Variants in PDS5B observed in about 807,000 individuals in gnomAD.
PDS5B encodes PDS5 cohesin associated factor B.
Under a neutral mutation model 184.1 loss-of-function variants are expected in PDS5B, and 51 were observed. That is an observed-to-expected ratio of 0.28 (90% CI 0.22 to 0.35). The LOEUF (loss-of-function observed/expected upper bound fraction) is 0.35, where lower values mean the gene tolerates loss of function less well. Among genes scored for constraint, PDS5B ranks in the 10% least tolerant of loss-of-function variants. The pLI is 1.00. For missense variants in PDS5B, 1,180 were observed against 1,723.3 expected (o/e 0.68, Z 5.58); for synonymous variants, 566 against 569.2 (o/e 0.99, Z 0.08).
At position 32,642,228 on chromosome 13, in the gene PDS5B, C is replaced by G. The variant is rs547960664; in HGVS notation, c.-19-6526C>G. ...CTTTTTGCTGTAACCATAATTTCTTCGAATAGTTCTGGTCGTTCATTCATT... is the reference window on the plus strand; with the variant it reads ...CTTTTTGCTGTAACCATAATTTCTTGGAATAGTTCTGGTCGTTCATTCATT... On this transcript the variant is annotated intron_variant, in intron 1 of 34. Transcript: ENST00000315596. Among the ~76,000 whole-genome samples, 3 of 152,208 alleles carry G rather than the reference C, an allele frequency of 2.0e-5. No homozygotes were observed. In the East Asian group the frequency reaches 5.8e-4, roughly 29 times the overall value.
chr13:32,701,486 T>C, intron 17 of PDS5B, 48 bp downstream of exon 17: 3 of 1,136,494 alleles, frequency 2.6e-6, no homozygotes, highest in Non-Finnish European at 2.6e-6. Flanking sequence ...CATTAATGTG[T>C]ACATTCAGGA....
At chr13:32,662,686 G>T (rs1228576024) in intron 6 of PDS5B, among the ~76,000 whole-genome samples, 1 of 152,008 alleles carries the variant, frequency 6.6e-6, no homozygotes. Context: ...TAACTCCATG[G>T]CTAAATGTAC....
chr13:32,589,033 G>A (rs749123596), intron 1 of PDS5B, among the ~76,000 whole-genome samples: 2 of 152,148 alleles, frequency 1.3e-5, no homozygotes, highest in Admixed American at 1.3e-4. Flanking sequence ...GTATGATTTG[G>A]CATACGGACT....
intron 19 of PDS5B, among the ~76,000 whole-genome samples, chr13:32,715,211 CTGA>C (rs750936425): frequency 2.5e-4 from 38 of 152,274 alleles, no homozygotes; most frequent in Non-Finnish European, 4.7e-4. Flanking sequence ...CTGGAGAGTT[CTGA>C]TGGAAAAAAC....
intron 17 of PDS5B, among the ~76,000 whole-genome samples, chr13:32,704,615 A>G (rs1832259659): frequency 6.6e-6 from 1 of 152,226 alleles, no homozygotes; most frequent in Non-Finnish European, 1.5e-5. Flanking sequence ...TTCCTTTATT[A>G]TAGCGTAAAT....
chr13:32,757,200 C>A (rs1158373804), intron 26 of PDS5B, among the ~76,000 whole-genome samples: 1 of 151,848 alleles, frequency 6.6e-6, no homozygotes, highest in Non-Finnish European at 1.5e-5. Flanking sequence ...TTGAAAACTT[C>A]TAGCCACTTC....
chr13:32,656,614 A>ATTTT, intron 3 of PDS5B, among the ~76,000 whole-genome samples: 2 of 134,236 alleles, frequency 1.5e-5, no homozygotes, highest in African/African-American at 6.1e-5. Context: ...TTTTTTTTTA[A>ATTTT]AAGACAAAGT....
At chr13:32,619,758 G>A (rs1428667735) in intron 1 of PDS5B, among the ~76,000 whole-genome samples, 1 of 152,138 alleles carries the variant, frequency 6.6e-6, no homozygotes, top group Non-Finnish European at 1.5e-5. Flanking sequence ...CCCCCAAAAT[G>A]TAATAATTTT....
intron 19 of PDS5B, among the ~76,000 whole-genome samples, chr13:32,713,098 T>C (rs191408712): frequency 1.5e-3 from 236 of 152,284 alleles, no homozygotes; most frequent in Admixed American, 3.1e-3. Flanking sequence ...CTGGTTCTTA[T>C]CCTTGTAAGA....
rs746709122 is a variant in PDS5B at position 32,735,256 on chromosome 13, C to T, written c.2332C>T (p.Pro778Ser). Residue 778 changes from proline (P) to serine (S), a missense_variant, in exon 21 of 35, where the codon CCT (proline) becomes TCT (serine). Physicochemically the swap from Pro to Ser is moderately conservative, Grantham distance 74. This residue lies in a region of PDS5B where 475 missense variants were observed against 691.5 expected (regional missense o/e 0.69). Transcript: ENST00000315596. ...TATTGGTCATATTGCTCTCCTTGCACCTGATCAATTTGCTGCTCCTTTGAA... is the reference window on the plus strand; with the variant it reads ...TATTGGTCATATTGCTCTCCTTGCATCTGATCAATTTGCTGCTCCTTTGAA... ...VTIGHIALLA[P>S]DQFAAPLKSL... is the part of the protein sequence containing the mutation. The T allele has an allele frequency of 2.5e-6, 4 of 1,611,950 alleles. No individual in the cohort carries two copies. The highest frequency in any genetic ancestry group is 2.7e-5 in the African/African-American group (2 of 74,856).
At chr13:32,738,002 T>C (rs1488025526) in intron 21 of PDS5B, among the ~76,000 whole-genome samples, 1 of 152,212 alleles carries the variant, frequency 6.6e-6, no homozygotes, top group East Asian at 1.9e-4. Context: ...GAGGATTTGC[T>C]TTTATCACTC....
chr13:32,696,618 T>C (rs1032646714), intron 14 of PDS5B, among the ~76,000 whole-genome samples: 2 of 151,982 alleles, frequency 1.3e-5, no homozygotes, highest in Non-Finnish European at 2.9e-5. Context: ...GATTTCTGTT[T>C]GGAGGCTAAC....
At chr13:32,734,586 A>AGGG (rs1953253696) in intron 20 of PDS5B, among the ~76,000 whole-genome samples, 1 of 152,218 alleles carries the variant, frequency 6.6e-6, no homozygotes, top group African/African-American at 2.4e-5. Context: ...TCAGTGGCTT[A>AGGG]GGGACACAGA....
At chr13:32,764,447 T>G (rs1185281648) in intron 30 of PDS5B, 42 bp from the exon 31 acceptor site, 1 of 1,244,300 alleles carries the variant, frequency 8.0e-7, no homozygotes, top group Admixed American at 2.2e-5. Flanking sequence ...GCTTGTAAGG[T>G]TATTTGATTG....
At chr13:32,604,169 T>A (rs1418659015) in intron 1 of PDS5B, among the ~76,000 whole-genome samples, 1 of 152,216 alleles carries the variant, frequency 6.6e-6, no homozygotes, top group East Asian at 1.9e-4. Flanking sequence ...TCGAAGAGAA[T>A]GCTTCCAGTT....
chr13:32,698,860 T>C (rs760354299), intron 15 of PDS5B, among the ~76,000 whole-genome samples: 9 of 152,048 alleles, frequency 5.9e-5, no homozygotes, highest in Non-Finnish European at 1.3e-4. Context: ...TTCAAGCAGT[T>C]CTCTGCCTCA....
intron 22 of PDS5B, 112 bp from the exon 23 acceptor site, chr13:32,742,475 ATTTT>A: frequency 1.0e-5 from 8 of 791,282 alleles, no homozygotes; most frequent in Non-Finnish European, 1.4e-5. Context: ...ACAGAAAAGA[ATTTT>A]TTCTTTTCTT....
intron 13 of PDS5B, among the ~76,000 whole-genome samples, chr13:32,693,907 T>C (rs1951625218): frequency 6.6e-6 from 1 of 151,760 alleles, no homozygotes. Flanking sequence ...AATTCTTCTT[T>C]TTATGTTTTT....
At chr13:32,640,305 G>A (rs1196413367) in intron 1 of PDS5B, among the ~76,000 whole-genome samples, 2 of 151,920 alleles carry the variant, frequency 1.3e-5, no homozygotes, top group Non-Finnish European at 2.9e-5. Context: ...GGAGTGCAAC[G>A]GCACGATCTC....
Sources: allele counts gnomAD v4.1 joint callset (sites outside exome capture counted in the v4.1 genomes callset), GRCh38; gene constraint gnomAD v4.1.1; regional missense constraint gnomAD v4.1.1; transcripts MANE v1.5; gene names NCBI Gene and HGNC (gene_info 2026-07-23, HGNC 2026-07-21).